The following TBC1D2B variants were observed in gnomAD, a reference collection of about 807,000 sequenced individuals.
TBC1D2B encodes the protein TBC1 domain family, member 2B.
In TBC1D2B, 64 loss-of-function variants were observed where a neutral mutation model predicts 100.8. That is an observed-to-expected ratio of 0.64 (90% CI 0.52 to 0.78). TBC1D2B has a LOEUF of 0.78. Ranked by LOEUF, TBC1D2B falls within the 30% of genes least tolerant of loss-of-function variation. The pLI is 0.00. For synonymous variants in TBC1D2B, 480 were observed against 479.7 expected (o/e 1.00, Z -0.01); for missense variants, 1,052 against 1,218.4 (o/e 0.86, Z 2.03).
At chr15:78,069,309 G>A (rs1417135702) in intron 1 of TBC1D2B, among the ~76,000 whole-genome samples, 1 of 152,136 alleles carries the variant, frequency 6.6e-6, no homozygotes, top group Non-Finnish European at 1.5e-5. Flanking sequence ...CACCAGGGCG[G>A]GCCGGCCCTA....
intron 10 of TBC1D2B, among the ~76,000 whole-genome samples, chr15:78,007,465 G>T (rs1371855246): frequency 6.6e-6 from 1 of 152,230 alleles, no homozygotes; most frequent in Non-Finnish European, 1.5e-5. Context: ...GGATACAGGG[G>T]AAGGAGGCAG....
chr15:78,067,141 TG>T (rs557988751), intron 1 of TBC1D2B, among the ~76,000 whole-genome samples: 241 of 152,358 alleles, frequency 1.6e-3, no homozygotes, highest in African/African-American at 5.2e-3. Context: ...TTCATGTGTT[TG>T]GAGAAGGAGA....
At chr15:78,072,901 T>C (rs1768552666) in intron 1 of TBC1D2B, among the ~76,000 whole-genome samples, 2 of 152,106 alleles carry the variant, frequency 1.3e-5, no homozygotes. Flanking sequence ...TTTCCAGACA[T>C]GTCCAGCAAA....
intron 11 of TBC1D2B, among the ~76,000 whole-genome samples, chr15:78,002,252 T>C (rs1021564954): frequency 2.6e-5 from 4 of 152,192 alleles, no homozygotes; most frequent in Non-Finnish European, 5.9e-5. Context: ...CAGTGCAATC[T>C]TGGCTCACTG....
intron 2 of TBC1D2B, 47 bp from the exon 3 acceptor site, chr15:78,045,115 G>A (rs201588876): frequency 1.4e-5 from 22 of 1,539,022 alleles, no homozygotes; most frequent in Middle Eastern, 1.8e-4. Flanking sequence ...GCTTCCACAC[G>A]AAACTTGACA....
At chr15:78,047,937 G>A (rs2073232634) in intron 2 of TBC1D2B, among the ~76,000 whole-genome samples, 1 of 152,232 alleles carries the variant, frequency 6.6e-6, no homozygotes, top group Non-Finnish European at 1.5e-5. Flanking sequence ...TCTAAGCCAA[G>A]TCAGGAAATA....
intron 3 of TBC1D2B, among the ~76,000 whole-genome samples, chr15:78,039,246 C>T (rs2073018694): frequency 6.6e-6 from 1 of 152,184 alleles, no homozygotes; most frequent in South Asian, 2.1e-4. Flanking sequence ...CCTAATTCAC[C>T]AAACATCCGG....
At chr15:78,034,544 T>C in intron 3 of TBC1D2B, 1 of 985,330 alleles carries the variant, frequency 1.0e-6, no homozygotes, top group Non-Finnish European at 1.2e-6. Context: ...GAAAGAGAAA[T>C]AAGAGCAGGG....
chr15:77,998,391 G>A lies in TBC1D2B; in HGVS notation c.2697-36C>T, dbSNP rs549385666. ...GCAGGGGAGAGACAAGAGAATCAGC[G>A]GCGCTCCAGAGAGTGCTCACACACA... On this transcript the variant is annotated intron_variant, in intron 12 of 12. Transcript: ENST00000300584. 1,084 of 1,532,028 alleles carry A rather than the reference G, an allele frequency of 7.1e-4. 4 individuals carry two copies. The highest frequency in any genetic ancestry group is 2.2e-3 in the African/African-American group (162 of 72,802). The allele number at this position is 1,532,028 out of a possible 1,614,324, so 94.9% of individuals were successfully genotyped here.
intron 1 of TBC1D2B, among the ~76,000 whole-genome samples, chr15:78,068,154 CCTCTT>C (rs2073688473): frequency 1.3e-5 from 2 of 152,144 alleles, no homozygotes; most frequent in Admixed American, 6.6e-5. Flanking sequence ...CAAACATGGG[CCTCTT>C]CAATGTTTTT....
chr15:78,015,174 C>G (rs1345560812), intron 8 of TBC1D2B, among the ~76,000 whole-genome samples: 1 of 152,074 alleles, frequency 6.6e-6, no homozygotes, highest in African/African-American at 2.4e-5. Flanking sequence ...GTACTCCAGC[C>G]TGGGCAACAG....
chr15:78,031,656 G>A (rs2072818738), intron 3 of TBC1D2B, among the ~76,000 whole-genome samples: 1 of 151,430 alleles, frequency 6.6e-6, no homozygotes, highest in African/African-American at 2.4e-5. Flanking sequence ...ATGAGTCATG[G>A]CTATCTGAGT....
chr15:78,037,324 T>C (rs1370409029), intron 3 of TBC1D2B, among the ~76,000 whole-genome samples: 1 of 152,144 alleles, frequency 6.6e-6, no homozygotes, highest in East Asian at 1.9e-4. Flanking sequence ...TGCATTCCCC[T>C]TTGGACAGTC....
chr15:78,056,903 A>G (rs982502712), intron 1 of TBC1D2B, among the ~76,000 whole-genome samples: 2 of 152,046 alleles, frequency 1.3e-5, no homozygotes, highest in Admixed American at 6.6e-5. Context: ...TCCCCATGCC[A>G]CAGGTGAGCT....
chr15:78,054,862 T>C (rs1046753017), intron 1 of TBC1D2B, among the ~76,000 whole-genome samples: 1 of 152,126 alleles, frequency 6.6e-6, no homozygotes, highest in African/African-American at 2.4e-5. Context: ...AATGAAAACA[T>C]ATTCACACAA....
At chr15:78,055,282 G>T (rs2073397779) in intron 1 of TBC1D2B, among the ~76,000 whole-genome samples, 1 of 149,500 alleles carries the variant, frequency 6.7e-6, no homozygotes. Flanking sequence ...CAAAATCACA[G>T]AATTATATAC....
intron 1 of TBC1D2B, among the ~76,000 whole-genome samples, chr15:78,058,421 T>C (rs958020390): frequency 6.6e-6 from 1 of 152,212 alleles, no homozygotes; most frequent in East Asian, 1.9e-4. Context: ...AACCACCCCA[T>C]GGTCCATTAA....
At chr15:78,033,046 T>C (rs1167669714) in intron 3 of TBC1D2B, among the ~76,000 whole-genome samples, 1 of 152,160 alleles carries the variant, frequency 6.6e-6, no homozygotes, top group Non-Finnish European at 1.5e-5. Context: ...GAAAACTGTA[T>C]CAAGGCATAT....
rs1176030633 is a variant in TBC1D2B at position 77,995,464 on chromosome 15, T to C, written c.*2696A>G. ...CCTGCACATCACATCGGTGAGTCAG[T>C]GAGAGTCAGGGCCAGAGGGAAAAGC... On this transcript the variant is annotated 3_prime_UTR_variant, in exon 13 of 13. Transcript: ENST00000300584. 1 of 152,154 alleles carries C rather than the reference T, an allele frequency of 6.6e-6. No individual in the cohort carries two copies. Among genetic ancestry groups the C allele is most frequent in the African/African-American group, 2.4e-5 (1 of 41,360 alleles). The allele number at this position is 152,154 out of a possible 1,614,324, so 9.4% of individuals were successfully genotyped here.
Sources: allele counts gnomAD v4.1 joint callset (sites outside exome capture counted in the v4.1 genomes callset), GRCh38; gene constraint gnomAD v4.1.1; transcripts MANE v1.5; gene names NCBI Gene and HGNC (gene_info 2026-07-23, HGNC 2026-07-21).